The following LAMA3 variants were observed in gnomAD, a reference collection of about 807,000 sequenced individuals.
The protein encoded by LAMA3 is laminin subunit alpha 3.
LAMA3 carries 281 observed loss-of-function variants against 402.0 expected under a neutral mutation model. The ratio of observed to expected loss-of-function variants is 0.70; its 90% CI spans 0.63 to 0.77. LAMA3 has a LOEUF of 0.77. Ranked by LOEUF, LAMA3 falls within the 30% of genes least tolerant of loss-of-function variation. LAMA3 has a pLI of 0.00. For missense variants in LAMA3, 3,840 were observed against 4,215.5 expected, an observed-to-expected ratio of 0.91 and a Z score of 2.47; for synonymous variants, 1,431 against 1,558.4, an observed-to-expected ratio of 0.92 and a Z score of 1.93.
chr18:23,751,691 G>T (rs1314608373), intron 5 of LAMA3, among the ~76,000 whole-genome samples: 1 of 152,172 alleles, frequency 6.6e-6, no homozygotes, highest in Non-Finnish European at 1.5e-5. Context: ...AGCTGAAATG[G>T]AGGCACATAG....
intron 8 of LAMA3, among the ~76,000 whole-genome samples, chr18:23,769,497 G>A (rs1007802444): frequency 1.6e-4 from 25 of 152,162 alleles, no homozygotes; most frequent in African/African-American, 5.6e-4. Context: ...TTGACTGTGA[G>A]ACGTGAAGGA....
chr18:23,798,913 G>C (rs1316851307), intron 12 of LAMA3, among the ~76,000 whole-genome samples: 2 of 152,202 alleles, frequency 1.3e-5, no homozygotes, highest in African/African-American at 4.8e-5. Context: ...TCGCTCATGA[G>C]CTTATTACTG....
chr18:23,933,018 G>A (rs989285643), intron 66 of LAMA3, among the ~76,000 whole-genome samples: 1 of 152,190 alleles, frequency 6.6e-6, no homozygotes. Flanking sequence ...AGGCCCAGGG[G>A]TTGTTAGCAA....
chr18:23,719,264 G>A (rs1286165202), intron 2 of LAMA3, among the ~76,000 whole-genome samples: 1 of 152,140 alleles, frequency 6.6e-6, no homozygotes, highest in Non-Finnish European at 1.5e-5. Flanking sequence ...GGAGGCAGAG[G>A]CACGAGGATC....
intron 56 of LAMA3, 79 bp from the exon 57 acceptor site, chr18:23,914,331 A>G: frequency 1.3e-6 from 2 of 1,491,534 alleles, no homozygotes; most frequent in Non-Finnish European, 1.9e-6. Flanking sequence ...TAGTTATTTG[A>G]AATGCATCCT....
intron 2 of LAMA3, among the ~76,000 whole-genome samples, chr18:23,736,339 G>A (rs562316649): frequency 6.7e-6 from 1 of 150,270 alleles, no homozygotes; most frequent in South Asian, 2.2e-4. Flanking sequence ...CACCCATATT[G>A]CTGGATATGC....
In LAMA3 at chr18:23,748,061, G is replaced by A. The variant is rs546725574; in HGVS notation, c.565+1G>A. 1.5e-5 allele frequency: 23 copies of A among 1,515,766 alleles called. No individual in the cohort carries two copies. Among genetic ancestry groups the A allele is most frequent in the South Asian group, 4.5e-5 (4 of 89,086 alleles). 93.9% of individuals were successfully genotyped at this position (1,515,766 alleles called of 1,614,324 possible). A position where few individuals can be genotyped will look rare whatever the true frequency, so the allele number is the denominator to read the frequency against. On this transcript the variant is annotated splice_donor_variant, in intron 3 of 74. Transcript: ENST00000313654. LOFTEE classifies it high-confidence loss of function. The stretch of plus-strand genomic sequence containing the variant: ...TACTCACCATGGCAATATTTTGCTC[G>A]TAAGTAATCTTGCCTACCATGTTAT...
In LAMA3 at chr18:23,777,552, T is replaced by TA. The variant is rs746613398; in HGVS notation, c.1406-4dup. 6.9e-6 allele frequency: 11 copies of TA among 1,587,552 alleles called. No individual in the cohort carries two copies. The African/African-American group carries it at 9.4e-5, about 14-fold the overall frequency. The stretch of plus-strand genomic sequence containing the variant: ...TCTGTATTTTTTAATAAACTATTTT[T>TA]ACAGGAATTCCCATTTTTCCTGTTT... On this transcript the variant is annotated splice_region_variant and splice_polypyrimidine_tract_variant and intron_variant, in intron 10 of 74. Transcript: ENST00000313654.
At chr18:23,763,346 A>G (rs2062010987) in intron 7 of LAMA3, 59 bp from the exon 8 acceptor site, 7 of 1,063,994 alleles carry the variant, frequency 6.6e-6, no homozygotes, top group South Asian at 2.5e-5. Flanking sequence ...TATTTACGCT[A>G]TTTACTAAGC....
At chr18:23,893,646 G>A (rs1037063824) in intron 42 of LAMA3, among the ~76,000 whole-genome samples, 4 of 152,076 alleles carry the variant, frequency 2.6e-5, no homozygotes, top group Non-Finnish European at 5.9e-5. Flanking sequence ...TGGTGGTGTG[G>A]GCCCACTGAC....
chr18:23,816,800 T>A (rs1248431017), intron 18 of LAMA3, among the ~76,000 whole-genome samples: 1 of 152,008 alleles, frequency 6.6e-6, no homozygotes. Context: ...TCAACTTCCA[T>A]GTGCAAGTTG....
In LAMA3 at chr18:23,875,396, G is replaced by C. The variant is rs191633107; in HGVS notation, c.4999-898G>C. 2.0e-5 allele frequency among the ~76,000 whole-genome samples: 3 copies of C among 152,184 alleles called. No homozygotes were observed. In the East Asian group the frequency reaches 5.8e-4, roughly 29 times the overall value. On this transcript the variant is annotated intron_variant, in intron 38 of 74. Transcript: ENST00000313654. ...AAAATGCATAACTTGTATTATACTG[G>C]AGAGAGATAATATACAGGAGATAGA...
rs1017041758 is a variant in LAMA3 at position 23,879,640 on chromosome 18, G to T, written c.5113-2296G>T. On this transcript the variant is annotated intron_variant, in intron 39 of 74. Coordinates refer to ENST00000313654, the MANE Select transcript of LAMA3 (RefSeq NM_198129.4). The surrounding 1 kb of genome is among the most constrained non-coding windows in gnomAD (Gnocchi z 4.2). ...GAGAGCACGTGCCATGGGAGTGGAC[G>T]TGGGCTTCTGCAGCATTCGTTCATT... is the stretch of plus-strand genomic sequence containing the variant. Among the ~76,000 whole-genome samples, 2 of 152,232 alleles carry T rather than the reference G, an allele frequency of 1.3e-5. No individual in the cohort carries two copies. The highest frequency in any genetic ancestry group is 4.8e-5 in the African/African-American group (2 of 41,460).
chr18:23,951,847 C>A, intron 73 of LAMA3, 70 bp downstream of exon 73: 4 of 1,215,722 alleles, frequency 3.3e-6, no homozygotes, highest in East Asian at 2.5e-5. Context: ...TTGAACATCC[C>A]AAAGGCAGCC....
rs117781425 is a variant in LAMA3, at chr18:23,943,777, G to A, written c.9027-11G>A. The A allele has an allele frequency of 6.3e-4, 1,013 of 1,613,824 alleles. 7 individuals are homozygous for A. In the East Asian group the frequency reaches 0.019, roughly 31 times the overall value. ...ACCTCTATTTCCCTTCATCGCCGAT[G>A]TTCCCAACAGGTCACAGTTTGCTGT... On this transcript the variant is annotated splice_polypyrimidine_tract_variant and intron_variant, in intron 68 of 74. Coordinates refer to ENST00000313654, the MANE Select transcript of LAMA3 (RefSeq NM_198129.4).
rs1030593461 is a variant in LAMA3 at position 23,918,976 on chromosome 18, A to G, written c.7924-1959A>G. On this transcript the variant is annotated intron_variant, in intron 60 of 74. Coordinates refer to ENST00000313654, the MANE Select transcript of LAMA3 (RefSeq NM_198129.4). The surrounding 1 kb of genome is among the most constrained non-coding windows in gnomAD (Gnocchi z 4.1). ...ACATAGAGCAGAGAAGTCATCCAGC[A>G]TCTTCAGGACACGGCAGTTGTTTTA... Among the ~76,000 whole-genome samples, 19 of 152,250 alleles carry G rather than the reference A, an allele frequency of 1.2e-4. No individual in the cohort carries two copies. Among genetic ancestry groups the G allele is most frequent in the Non-Finnish European group, 2.6e-4 (18 of 68,046 alleles).
At chr18:23,746,481 A>G (rs2061652936) in intron 2 of LAMA3, among the ~76,000 whole-genome samples, 1 of 152,192 alleles carries the variant, frequency 6.6e-6, no homozygotes, top group Non-Finnish European at 1.5e-5. Flanking sequence ...ATATCACATC[A>G]GAGTGAATGA....
chr18:23,893,622 A>G (rs375300071), intron 42 of LAMA3, among the ~76,000 whole-genome samples: 4 of 152,232 alleles, frequency 2.6e-5, no homozygotes, highest in African/African-American at 4.8e-5. Context: ...AACTCAGCTT[A>G]TATGTGCTGT....
At chr18:23,800,173 G>T (rs1429166942) in intron 12 of LAMA3, among the ~76,000 whole-genome samples, 1 of 152,112 alleles carries the variant, frequency 6.6e-6, no homozygotes, top group African/African-American at 2.4e-5. Flanking sequence ...GTACTTAATC[G>T]TCAATAAAGA....
Sources: gnomAD v4.1 joint callset for allele counts (sites outside exome capture counted in the v4.1 genomes callset) on GRCh38, gnomAD v4.1.1 for gene constraint, Gnocchi (gnomAD v3.1) non-coding constraint, MANE v1.5 for transcripts, NCBI Gene and HGNC (gene_info 2026-07-23, HGNC 2026-07-21) for gene names.